SLCO4A1: variants seen among roughly 807,000 people sequenced by gnomAD.
The protein encoded by SLCO4A1 is colon organic anion transporter.
A neutral mutation model predicts 64.6 loss-of-function variants in SLCO4A1; 51 were observed. That is an observed-to-expected ratio of 0.79 (90% CI 0.63 to 1.00). The LOEUF is 1.00. Among genes scored for constraint, SLCO4A1 ranks in the 50% least tolerant of loss-of-function variants. The probability of loss-of-function intolerance (pLI) is 0.00; values close to 1 mark genes in which losing one functional copy is unlikely to be tolerated. For missense variants in SLCO4A1, 919 were observed against 980.5 expected (o/e 0.94, Z 0.84); for synonymous variants, 471 against 444.9 (o/e 1.06, Z -0.74).
rs370609483 is a variant in SLCO4A1, at chr20:62,645,990, G to A, written c.-97+3437G>A. 1.2e-4 allele frequency among the ~76,000 whole-genome samples: 19 copies of A among 152,258 alleles called. No homozygotes were observed. In the East Asian group the frequency reaches 1.5e-3, roughly 12 times the overall value. On this transcript the variant is annotated intron_variant, in intron 1 of 11. Transcript: ENST00000217159. This position sits in a 1 kb window ranked among gnomAD's most constrained non-coding sequence, Gnocchi z 4.2. Reference sequence around the variant, plus strand: ...CACTGGACTCTGCCTTTCGGGAGGCGCTGTGGACCTGAGATTTGGACCCAT... The same window carrying A: ...CACTGGACTCTGCCTTTCGGGAGGCACTGTGGACCTGAGATTTGGACCCAT...
Position 62,657,145 on chromosome 20 carries a change from ATGCTGGGCCAGTTCC to A in SLCO4A1, c.695_709del (p.Leu232_Leu236del). On this transcript the variant is annotated inframe_deletion, in exon 2 of 12. Transcript: ENST00000217159. ...CCTGTCCCGCTACCAGCTGGTCTTCATGCTGGGCCAGTTCCTGCATGGCGTGGGTGCCACACCCCT... is the reference window on the plus strand; with the variant it reads ...CCTGTCCCGCTACCAGCTGGTCTTCATGCATGGCGTGGGTGCCACACCCCT... 1 of 1,564,774 alleles carries A rather than the reference ATGCTGGGCCAGTTCC, an allele frequency of 6.4e-7. No individual in the cohort carries two copies.
At chr20:62,690,024 C>T (rs1162905069), downstream of SLCO4A1, among the ~76,000 whole-genome samples, 1 of 152,220 alleles carries the variant, frequency 6.6e-6, no homozygotes, top group Non-Finnish European at 1.5e-5. Context: ...TCTGTGCCTG[C>T]TTTGCGCCTG....
At chr20:62,675,814 CCT>C (rs1455986406), downstream of SLCO4A1, among the ~76,000 whole-genome samples, 1 of 152,200 alleles carries the variant, frequency 6.6e-6, no homozygotes, top group East Asian at 1.9e-4. Context: ...ACAGCCAGCC[CCT>C]GTCCTCCCAC....
intron 2 of SLCO4A1, among the ~76,000 whole-genome samples, chr20:62,678,722 G>A (rs552404089): frequency 6.8e-6 from 1 of 146,028 alleles, no homozygotes; most frequent in Admixed American, 6.8e-5. Flanking sequence ...CCACACGATA[G>A]ACTCAGCCGT....
Position 62,661,041 on chromosome 20 carries a change from C to CCCCCCCCCCCCCCACCAAA in SLCO4A1, c.1010-23_1010-22insCCCCCCCCCCCCCACCAAA. The CCCCCCCCCCCCCCACCAAA allele has an allele frequency of 7.0e-7, 1 of 1,424,144 alleles. No homozygotes were observed. The highest frequency in any genetic ancestry group is 2.1e-4 in the Middle Eastern group (1 of 4,724). The allele number at this position is 1,424,144 out of a possible 1,614,324, so 88.2% of individuals were successfully genotyped here. ...TCCGGGAGCCCCCAGCCCCCAGCCC[C>CCCCCCCCCCCCCCACCAAA]AGCTCACTCTGTGCCCTTCCAGGCT... On this transcript the variant is annotated intron_variant, in intron 4 of 11. Transcript: ENST00000217159. This position sits in a 1 kb window ranked among gnomAD's most constrained non-coding sequence, Gnocchi z 5.2.
At chr20:62,653,266 G>A (rs925148156) in intron 1 of SLCO4A1, among the ~76,000 whole-genome samples, 1 of 152,170 alleles carries the variant, frequency 6.6e-6, no homozygotes, top group African/African-American at 2.4e-5. Flanking sequence ...CCAGAGCCCA[G>A]CTTTGGGGGC....
At position 62,666,636 on chromosome 20, in the gene SLCO4A1, A is replaced by G. The variant is rs1986399568; in HGVS notation, c.1472+61A>G. 2.8e-6 allele frequency: 4 copies of G among 1,418,208 alleles called. No homozygotes were observed. The African/African-American group carries it at 4.2e-5, about 15-fold the overall frequency. 87.9% of individuals were successfully genotyped at this position (1,418,208 alleles called of 1,614,324 possible). A position where few individuals can be genotyped will look rare whatever the true frequency, so the allele number is the denominator to read the frequency against. On this transcript the variant is annotated intron_variant, in intron 7 of 11. Transcript: ENST00000217159. The stretch of plus-strand genomic sequence containing the variant: ...CCCCAAGCACCCGCGGTCCCTGGGC[A>G]TGGAGGAGGAGTGGTGCAGCACTTG...
At chr20:62,666,687 C>T (rs914560436) in intron 7 of SLCO4A1, 112 bp downstream of exon 7, 12 of 945,280 alleles carry the variant, frequency 1.3e-5, no homozygotes, top group Admixed American at 2.1e-5. Flanking sequence ...AAAAGGGCTA[C>T]GTCACAGGAC....
At chr20:62,667,140 G>A (rs1986501439) in intron 7 of SLCO4A1, among the ~76,000 whole-genome samples, 1 of 152,262 alleles carries the variant, frequency 6.6e-6, no homozygotes. Context: ...GGTGGACGGG[G>A]TCACTACGCT....
In SLCO4A1 at chr20:62,661,019, G is replaced by A. The variant is rs762168163; in HGVS notation, c.1010-45G>A. 5.5e-5 allele frequency: 18 copies of A among 325,846 alleles called. No individual in the cohort carries two copies. Among genetic ancestry groups the A allele is most frequent in the Non-Finnish European group, 7.5e-5 (14 of 186,760 alleles). 20.2% of individuals were successfully genotyped at this position (325,846 alleles called of 1,614,324 possible). A position where few individuals can be genotyped will look rare whatever the true frequency, so the allele number is the denominator to read the frequency against. The stretch of plus-strand genomic sequence containing the variant: ...GCCTCTCTCGGAGAAGTCCACCTCC[G>A]GGAGCCCCCAGCCCCCAGCCCCAGC... On this transcript the variant is annotated intron_variant, in intron 4 of 11. Transcript: ENST00000217159. The surrounding 1 kb of genome is among the most constrained non-coding windows in gnomAD (Gnocchi z 5.2).
At chr20:62,678,351 TG>T (rs1987683656) in intron 2 of SLCO4A1, among the ~76,000 whole-genome samples, 1 of 152,132 alleles carries the variant, frequency 6.6e-6, no homozygotes, top group Admixed American at 6.5e-5. Flanking sequence ...CTCTGGTGGC[TG>T]GAACACTCAC....
At chr20:62,660,303 C>T in intron 3 of SLCO4A1, 109 bp from the exon 4 acceptor site, 1 of 1,340,318 alleles carries the variant, frequency 7.5e-7, no homozygotes, top group Non-Finnish European at 1.0e-6. Flanking sequence ...AGCGTGCAGA[C>T]AGACCCTGGA....
chr20:62,666,662 G>A, intron 7 of SLCO4A1, 87 bp downstream of exon 7: 3 of 1,205,722 alleles, frequency 2.5e-6, no homozygotes, highest in Middle Eastern at 4.1e-4. Context: ...GCAGCACTTG[G>A]GAGAGGTGGT....
intron 5 of SLCO4A1, chr20:62,663,066 G>A (rs1985344443): frequency 6.6e-6 from 1 of 152,216 alleles, no homozygotes; most frequent in African/African-American, 2.4e-5. Context: ...TTTAATCAGG[G>A]AAGGGGACAG....
intron 1 of SLCO4A1, among the ~76,000 whole-genome samples, chr20:62,653,339 G>A (rs1199325334): frequency 1.3e-5 from 2 of 152,314 alleles, no homozygotes; most frequent in East Asian, 1.9e-4. Flanking sequence ...CTCTCCAGAC[G>A]TAAAACAAGC....
chr20:62,647,781 C>G (rs1981633381), intron 1 of SLCO4A1, among the ~76,000 whole-genome samples: 1 of 152,240 alleles, frequency 6.6e-6, no homozygotes, highest in Non-Finnish European at 1.5e-5. Context: ...GGCTGGCACC[C>G]CAGTTCCCAC....
downstream of SLCO4A1, among the ~76,000 whole-genome samples, chr20:62,677,250 A>C (rs1348204020): frequency 1.3e-5 from 2 of 152,122 alleles, no homozygotes; most frequent in Non-Finnish European, 1.5e-5. Flanking sequence ...TGCTTAAAAA[A>C]CCGAATTGTA....
intron 10 of SLCO4A1, 111 bp downstream of exon 10, chr20:62,668,652 TCCCG>T (rs2147103626): frequency 9.1e-7 from 1 of 1,094,654 alleles, no homozygotes; most frequent in South Asian, 1.3e-5. Context: ...AGGAGGCTGT[TCCCG>T]CCTGGGAAGG....
rs576201835 is a variant in SLCO4A1 at position 62,647,000 on chromosome 20, C to G, written c.-97+4447C>G. 1.9e-4 allele frequency among the ~76,000 whole-genome samples: 29 copies of G among 152,378 alleles called. 1 individual carries two copies. The South Asian group carries it at 5.8e-3, about 30-fold the overall frequency. Reference sequence around the variant, plus strand: ...CTGGCCCTGCTGCCGCACCCTGGCTCCCTCTTGCTCAGACAATCCTTCATT... The same window carrying G: ...CTGGCCCTGCTGCCGCACCCTGGCTGCCTCTTGCTCAGACAATCCTTCATT... On this transcript the variant is annotated intron_variant, in intron 1 of 11. Transcript: ENST00000217159.
Sources: allele counts gnomAD v4.1 joint callset (sites outside exome capture counted in the v4.1 genomes callset), GRCh38; gene constraint gnomAD v4.1.1; non-coding constraint Gnocchi (gnomAD v3.1); transcripts MANE v1.5; gene names NCBI Gene and HGNC (gene_info 2026-07-23, HGNC 2026-07-21).